The following CACNA1C variants were observed in gnomAD, a reference collection of about 807,000 sequenced individuals.
The protein encoded by CACNA1C is voltage-dependent L-type calcium channel subunit alpha-1C.
CACNA1C carries 30 observed loss-of-function variants against 229.0 expected under a neutral mutation model. That is an observed-to-expected ratio of 0.13 (90% CI 0.10 to 0.18). CACNA1C has a LOEUF of 0.18. Among genes scored for constraint, CACNA1C ranks in the 10% least tolerant of loss-of-function variants. The pLI is 1.00. For synonymous variants in CACNA1C, 1,114 were observed against 1,132.5 expected, an observed-to-expected ratio of 0.98 and a Z score of 0.33; for missense variants, 1,658 against 2,845.0, an observed-to-expected ratio of 0.58 and a Z score of 9.49.
chr12:2,570,715 G>GA (rs989926376), intron 13 of CACNA1C, among the ~76,000 whole-genome samples: 2 of 152,198 alleles, frequency 1.3e-5, no homozygotes, highest in African/African-American at 4.8e-5. Flanking sequence ...GAGATTAAAG[G>GA]AAAATCTATG....
chr12:2,686,346 A>G (rs1467311646), intron 45 of CACNA1C, 77 bp downstream of exon 45: 1 of 1,130,596 alleles, frequency 8.8e-7, no homozygotes, highest in Admixed American at 1.7e-5. Flanking sequence ...ACAAATCCTG[A>G]AGACTTCAGT....
intron 3 of CACNA1C, among the ~76,000 whole-genome samples, chr12:2,248,846 G>A (rs961240620): frequency 1.3e-5 from 2 of 152,226 alleles, no homozygotes; most frequent in African/African-American, 4.8e-5. Flanking sequence ...CCTTGAGCAA[G>A]TTATGGTAAC....
At chr12:2,556,187 T>C (rs2044160585) in intron 10 of CACNA1C, among the ~76,000 whole-genome samples, 2 of 152,186 alleles carry the variant, frequency 1.3e-5, no homozygotes, top group Admixed American at 1.3e-4. Context: ...TTTTACAGTC[T>C]GTCCCTCCTG....
rs1007029340 is a variant in CACNA1C, at chr12:2,122,694, G to A, written c.477+2264G>A. Among the ~76,000 whole-genome samples, 22 of 152,136 alleles carry A rather than the reference G, an allele frequency of 1.4e-4. 2 individuals carry two copies. Among genetic ancestry groups the A allele is most frequent in the Non-Finnish European group, 2.9e-5 (2 of 68,024 alleles). ...CTGAGCCCTCTGATTTTCTTCTTCT[G>A]CACTCTCCCTTTGGGGAGCTCATCT... On this transcript the variant is annotated intron_variant, in intron 3 of 46. Transcript: ENST00000399655.
At chr12:2,137,074 A>G (rs2093601840) in intron 3 of CACNA1C, among the ~76,000 whole-genome samples, 1 of 151,348 alleles carries the variant, frequency 6.6e-6, no homozygotes, top group Non-Finnish European at 1.5e-5. Context: ...CGCCCCGCCC[A>G]GGTGAGAGCA....
rs1598336943 is a variant in CACNA1C, at chr12:2,504,632, C to G, written c.1114-210C>G. 1 of 820,290 alleles carries G rather than the reference C, an allele frequency of 1.2e-6. No homozygotes were observed. Among genetic ancestry groups the G allele is most frequent in the East Asian group, 2.4e-5 (1 of 41,296 alleles). The allele number at this position is 820,290 out of a possible 1,614,324, so 50.8% of individuals were successfully genotyped here. ...ATGCCCGGGGTCCTCAGGGATGGGACCCTGACAGGCCCAGGAAAACCACAA... is the reference window on the plus strand; with the variant it reads ...ATGCCCGGGGTCCTCAGGGATGGGAGCCTGACAGGCCCAGGAAAACCACAA... On this transcript the variant is annotated intron_variant, in intron 7 of 46. Coordinates refer to ENST00000399655, the MANE Select transcript of CACNA1C (RefSeq NM_000719.7). The surrounding 1 kb of genome is among the most constrained non-coding windows in gnomAD (Gnocchi z 6.8).
intron 21 of CACNA1C, among the ~76,000 whole-genome samples, chr12:2,598,497 T>C (rs1371054834): frequency 2.6e-5 from 4 of 152,334 alleles, no homozygotes; most frequent in South Asian, 4.1e-4. Flanking sequence ...GGGTAGATTC[T>C]ACCCTTTCCC....
chr12:2,194,718 T>A (rs2097350509), intron 3 of CACNA1C, among the ~76,000 whole-genome samples: 1 of 152,130 alleles, frequency 6.6e-6, no homozygotes, highest in Admixed American at 6.5e-5. Flanking sequence ...TTCCAGCAGC[T>A]CGATCCATCT....
At chr12:1,980,378 C>G (rs1413224144) in intron 1 of CACNA1C, among the ~76,000 whole-genome samples, 3 of 152,096 alleles carry the variant, frequency 2.0e-5, no homozygotes, top group African/African-American at 4.8e-5. Context: ...TGTATATCTT[C>G]TTTTTAAAAG....
rs16929494 is a variant in CACNA1C at position 2,505,461 on chromosome 12, G to T, written c.1217+516G>T. Among the ~76,000 whole-genome samples the T allele has an allele frequency of 4.5e-3, 683 of 152,250 alleles. 8 individuals carry two copies. Among genetic ancestry groups the T allele is most frequent in the African/African-American group, 0.015 (641 of 41,536 alleles). On this transcript the variant is annotated intron_variant, in intron 8 of 46. Coordinates refer to ENST00000399655, the MANE Select transcript of CACNA1C (RefSeq NM_000719.7). ...TAACTTTATATCTAGTTGGCTGCAA[G>T]TATCACATCTACCTAATTTCAGCCC...
chr12:2,167,378 C>T (rs2154258296), intron 3 of CACNA1C, among the ~76,000 whole-genome samples: 1 of 152,196 alleles, frequency 6.6e-6, no homozygotes, highest in South Asian at 2.1e-4. Flanking sequence ...CCATTGATTG[C>T]CTATTAAGTA....
chr12:2,560,417 G>T (rs1166325589), intron 11 of CACNA1C, among the ~76,000 whole-genome samples: 1 of 152,172 alleles, frequency 6.6e-6, no homozygotes, highest in Non-Finnish European at 1.5e-5. Context: ...GGGAAAATGT[G>T]GCCGGTTAGT....
At chr12:2,620,453 C>T (rs918901698) in intron 29 of CACNA1C, among the ~76,000 whole-genome samples, 3 of 152,122 alleles carry the variant, frequency 2.0e-5, no homozygotes, top group Admixed American at 6.5e-5. Context: ...TTCTAAGATC[C>T]GAGACAGAAA....
chr12:2,067,737 C>G lies in CACNA1C; in HGVS notation c.49+14126C>G, dbSNP rs1240979937. Among the ~76,000 whole-genome samples the G allele has an allele frequency of 6.6e-6, 1 of 152,080 alleles. No individual in the cohort carries two copies. Among genetic ancestry groups the G allele is most frequent in the Admixed American group, 6.5e-5 (1 of 15,284 alleles). On this transcript the variant is annotated intron_variant, in intron 1 of 46. Coordinates refer to ENST00000399655, the MANE Select transcript of CACNA1C (RefSeq NM_000719.7). The surrounding 1 kb of genome is among the most constrained non-coding windows in gnomAD (Gnocchi z 5.3). ...AAGGACAAGGAACCTGCACTGTTAA[C>G]CTCAGTCAGGGCGCAACGGTAGAAA...
At chr12:2,525,418 GC>G (rs934863559) in intron 9 of CACNA1C, among the ~76,000 whole-genome samples, 1 of 152,198 alleles carries the variant, frequency 6.6e-6, no homozygotes, top group Non-Finnish European at 1.5e-5. Context: ...AACACCTTGT[GC>G]TTTTCAGCCT....
intron 1 of CACNA1C, among the ~76,000 whole-genome samples, chr12:2,016,126 A>G (rs2045316065): frequency 6.6e-6 from 1 of 152,248 alleles, no homozygotes; most frequent in South Asian, 2.1e-4. Flanking sequence ...TCAAAAAGAC[A>G]TGAATGACTT....
rs1298317109 is a variant in CACNA1C at position 2,275,621 on chromosome 12, C to A, written c.477+155191C>A. On this transcript the variant is annotated intron_variant, in intron 3 of 46. Transcript: ENST00000399655. The surrounding 1 kb of genome is among the most constrained non-coding windows in gnomAD (Gnocchi z 4.1). ...GAGAGGTGGCCTGACCACTCTAAGC[C>A]CACAGCACCACTGGATCTTTCCCCT... Among the ~76,000 whole-genome samples the A allele has an allele frequency of 2.0e-5, 3 of 151,518 alleles. No homozygotes were observed. The highest frequency in any genetic ancestry group is 7.3e-5 in the African/African-American group (3 of 40,820).
intron 3 of CACNA1C, among the ~76,000 whole-genome samples, chr12:2,122,820 T>G (rs571984156): frequency 6.6e-6 from 1 of 152,274 alleles, no homozygotes; most frequent in South Asian, 2.1e-4. Flanking sequence ...TTTCCCGCAT[T>G]GGAGAGGCCT....
rs529790213 is a variant in CACNA1C at position 2,542,731 on chromosome 12, G to A, written c.1391-7212G>A. 3.9e-5 allele frequency among the ~76,000 whole-genome samples: 6 copies of A among 152,208 alleles called. No homozygotes were observed. In the South Asian group the frequency reaches 6.2e-4, roughly 16 times the overall value. Reference sequence around the variant, plus strand: ...CAGTAGTCACACACCAAAGCAGGTCGGGGGAGACACTGGTGCTGTAAGACA... The same window carrying A: ...CAGTAGTCACACACCAAAGCAGGTCAGGGGAGACACTGGTGCTGTAAGACA... On this transcript the variant is annotated intron_variant, in intron 9 of 46. Transcript: ENST00000399655.
Sources: gnomAD v4.1 joint callset for allele counts (sites outside exome capture counted in the v4.1 genomes callset) on GRCh38, gnomAD v4.1.1 for gene constraint, Gnocchi (gnomAD v3.1) non-coding constraint, MANE v1.5 for transcripts, NCBI Gene and HGNC (gene_info 2026-07-23, HGNC 2026-07-21) for gene names.